Variants in ARFGEF1 observed in about 807,000 individuals in gnomAD.
ARFGEF1 encodes ARF guanine nucleotide exchange factor 1.
ARFGEF1 carries 42 observed loss-of-function variants against 231.0 expected under a neutral mutation model. That is an observed-to-expected ratio of 0.18 (90% CI 0.14 to 0.24). The LOEUF is 0.24. ARFGEF1 is among the 10% of genes least tolerant of loss of function. The pLI, the probability that ARFGEF1 is intolerant of heterozygous loss-of-function variation, is 1.00. For missense variants in ARFGEF1, 1,345 were observed against 2,192.0 expected, an observed-to-expected ratio of 0.61 and a Z score of 7.72; for synonymous variants, 710 against 732.3, an observed-to-expected ratio of 0.97 and a Z score of 0.49.
chr8:67,329,963 AC>A (rs1808023619), intron 1 of ARFGEF1, among the ~76,000 whole-genome samples: 3 of 152,090 alleles, frequency 2.0e-5, no homozygotes, highest in South Asian at 4.1e-4. Context: ...ATAAAAAAAA[AC>A]AAAGGCTACT....
rs1391745660 is a variant in ARFGEF1, at chr8:67,299,288, A to G, written c.380T>C (p.Ile127Thr). The G allele has an allele frequency of 6.2e-7, 1 of 1,610,254 alleles. No individual in the cohort carries two copies. Among genetic ancestry groups the G allele is most frequent in the Admixed American group, 1.7e-5 (1 of 59,796 alleles). ...ACATATTGTTTCAATAATTCTATCAATTAATTTTTTGCCTGGTGTTGTACT... is the reference window on the plus strand; with the variant it reads ...ACATATTGTTTCAATAATTCTATCAGTTAATTTTTTGCCTGGTGTTGTACT... ...PDSTTPGKKL[I>T]DRIIETICGC... The change falls in exon 4 of 39, where the codon ATT becomes ACT. Residue 127 changes from isoleucine to threonine, a missense_variant. Around this residue, in one of 14 missense-constraint regions of ARFGEF1, gnomAD observed 398 missense variants for 463.2 expected, o/e 0.86. Coordinates refer to ENST00000262215, the MANE Select transcript of ARFGEF1 (RefSeq NM_006421.5).
At position 67,179,871 on chromosome 8, in the gene ARFGEF1, T is replaced by C. The variant is rs10112748; in HGVS notation, c.561-4299A>G. 5,634 of 1,594,980 alleles carry C rather than the reference T, an allele frequency of 3.5e-3. 8 individuals are homozygous for C. Among genetic ancestry groups the C allele is most frequent in the Non-Finnish European group, 4.6e-3 (5,381 of 1,163,866 alleles). ...AAACATGTTTCTTTTAGCCCAGAGA[T>C]GACACTAGTGATTTCTTGAAAAACT... is the stretch of plus-strand genomic sequence containing the variant. On this transcript the variant is annotated intron_variant, in intron 5 of 5. Coordinates refer to the ARFGEF1 transcript ENST00000518789.
intron 1 of ARFGEF1, among the ~76,000 whole-genome samples, chr8:67,309,518 C>T (rs898772983): frequency 2.0e-5 from 3 of 152,194 alleles, no homozygotes; most frequent in African/African-American, 7.2e-5. Flanking sequence ...CCTTCGCATA[C>T]CTTCCCTACT....
In ARFGEF1 at chr8:67,343,735, G is replaced by C. The variant is rs867188515; in HGVS notation, c.-448C>G. On this transcript the variant is annotated 5_prime_UTR_variant, in exon 1 of 39. Coordinates refer to ENST00000262215, the MANE Select transcript of ARFGEF1 (RefSeq NM_006421.5). ...TAGCACCCGCCGCGGCCGCGAACTG[G>C]CCCCCATCACCGCCGACCTGCCCCG... 1 of 440,796 alleles carries C rather than the reference G, an allele frequency of 2.3e-6. No homozygotes were observed. The highest frequency in any genetic ancestry group is 3.0e-6 in the Non-Finnish European group (1 of 330,884). The allele number at this position is 440,796 out of a possible 1,614,324, so 27.3% of individuals were successfully genotyped here. A position where few individuals can be genotyped will look rare whatever the true frequency, so the allele number is the denominator to read the frequency against.
intron 14 of ARFGEF1, among the ~76,000 whole-genome samples, chr8:67,263,767 A>G (rs1387697481): frequency 6.6e-6 from 1 of 152,178 alleles, no homozygotes; most frequent in African/African-American, 2.4e-5. Context: ...AAGAAACACA[A>G]TTTTAAAGAA....
At chr8:67,212,874 T>A (rs745532595) in intron 33 of ARFGEF1, among the ~76,000 whole-genome samples, 1 of 152,200 alleles carries the variant, frequency 6.6e-6, no homozygotes, top group Non-Finnish European at 1.5e-5. Context: ...TCTTGAACAG[T>A]CTGATGATTT....
At chr8:67,200,307 G>C (rs533419420) in intron 38 of ARFGEF1, 89 bp downstream of exon 38, 7 of 916,922 alleles carry the variant, frequency 7.6e-6, no homozygotes, top group East Asian at 2.4e-5. Flanking sequence ...ATTCATCTCT[G>C]AGAGCTCTTG....
downstream of ARFGEF1, chr8:67,174,377 T>A (rs1009785369): frequency 1.3e-5 from 2 of 152,238 alleles, no homozygotes; most frequent in Non-Finnish European, 2.9e-5. Flanking sequence ...CATTTCTTTA[T>A]ATTCCAGCAG....
At chr8:67,249,208 C>A (rs963627454) in intron 19 of ARFGEF1, among the ~76,000 whole-genome samples, 6 of 150,156 alleles carry the variant, frequency 4.0e-5, no homozygotes, top group Admixed American at 6.7e-5. Context: ...TTTGACTTTA[C>A]AATATATTCA....
chr8:67,312,056 C>T (rs13280556), intron 1 of ARFGEF1, among the ~76,000 whole-genome samples: 43,811 of 151,488 alleles, frequency 0.29, 6,473 homozygotes, highest in East Asian at 0.38. Flanking sequence ...CGGTAAGAGT[C>T]ATCACCACTC....
chr8:67,180,882 T>TA (rs1256841830), intron 5 of ARFGEF1, among the ~76,000 whole-genome samples: 2 of 152,272 alleles, frequency 1.3e-5, no homozygotes, highest in East Asian at 1.9e-4. Flanking sequence ...AGTATACACT[T>TA]ACGATTATGT....
chr8:67,294,900 T>C (rs755250306), intron 5 of ARFGEF1, among the ~76,000 whole-genome samples: 9 of 152,122 alleles, frequency 5.9e-5, no homozygotes, highest in South Asian at 2.1e-4. Flanking sequence ...CAGCTCCTTA[T>C]TGAAGTGGTT....
chr8:67,253,366 C>T lies in ARFGEF1; in HGVS notation c.2698+85G>A, dbSNP rs531492310. The T allele has an allele frequency of 2.8e-4, 277 of 1,005,670 alleles. 3 individuals are homozygous for T. The South Asian group carries it at 5.5e-3, about 20-fold the overall frequency. 62.3% of individuals were successfully genotyped at this position (1,005,670 alleles called of 1,614,324 possible). A position where few individuals can be genotyped will look rare whatever the true frequency, so the allele number is the denominator to read the frequency against. ...AGCTGGGGACTATAAATGCAAACCA[C>T]CACACCTGACCATAAGTGAAAAACT... On this transcript the variant is annotated intron_variant, in intron 18 of 38. Transcript: ENST00000262215.
rs762644535 is a variant in ARFGEF1, at chr8:67,259,906, C to T, written c.2144G>A (p.Arg715Lys). 1 of 1,607,916 alleles carries T rather than the reference C, an allele frequency of 6.2e-7. No homozygotes were observed. The highest frequency in any genetic ancestry group is 8.5e-7 in the Non-Finnish European group (1 of 1,177,016). ...TTGTTCTTGGAGGTACTGTATTCCT[C>T]TCTTTGGTTTCTTATTAAATCTAGA... ...GIDLFNKKPK[R>K]GIQYLQEQGM... The change falls in exon 15 of 39, where the codon AGA (arginine) becomes AAA (lysine). Residue 715 changes from arginine (R) to lysine (K), a missense_variant. By Grantham distance (26) the Arg-to-Lys change is conservative. Around this residue, in one of 14 missense-constraint regions of ARFGEF1, gnomAD observed 105 missense variants for 159.3 expected, o/e 0.66. Transcript: ENST00000262215.
chr8:67,175,656 A>G (rs969480103), intron 5 of ARFGEF1: 8 of 664,296 alleles, frequency 1.2e-5, no homozygotes, highest in Non-Finnish European at 2.2e-5. Flanking sequence ...AGAGGGGCCC[A>G]GTCATTCACT....
chr8:67,207,500 G>A (rs1838563987), intron 34 of ARFGEF1, among the ~76,000 whole-genome samples: 2 of 152,198 alleles, frequency 1.3e-5, no homozygotes, highest in Admixed American at 6.5e-5. Context: ...CACATTTGAT[G>A]ACAATATCTA....
intron 7 of ARFGEF1, among the ~76,000 whole-genome samples, chr8:67,283,388 A>G (rs1270206748): frequency 6.6e-6 from 1 of 152,206 alleles, no homozygotes; most frequent in Non-Finnish European, 1.5e-5. Flanking sequence ...GCCCAGTGAT[A>G]TAATGAAATT....
intron 14 of ARFGEF1, among the ~76,000 whole-genome samples, chr8:67,264,746 A>G (rs925592213): frequency 1.3e-5 from 2 of 152,270 alleles, no homozygotes; most frequent in Middle Eastern, 3.4e-3. Flanking sequence ...CTGCTGAGAG[A>G]AGGACTGGGA....
intron 5 of ARFGEF1, among the ~76,000 whole-genome samples, chr8:67,180,780 CTT>C (rs1832811055): frequency 6.6e-6 from 1 of 151,848 alleles, no homozygotes; most frequent in South Asian, 2.1e-4. Flanking sequence ...TTATAGTTCT[CTT>C]AATATTTCAG....
Sources: gnomAD v4.1 joint callset for allele counts (sites outside exome capture counted in the v4.1 genomes callset) on GRCh38, gnomAD v4.1.1 for gene constraint, gnomAD v4.1.1 regional missense constraint, MANE v1.5 for transcripts, NCBI Gene and HGNC (gene_info 2026-07-23, HGNC 2026-07-21) for gene names.